GLI3: variants seen among roughly 807,000 people sequenced by gnomAD.
GLI3 encodes GLI family zinc finger 3.
In GLI3, 20 loss-of-function variants were observed where a neutral mutation model predicts 100.8. The observed-to-expected ratio is 0.20, with a 90% CI of 0.14 to 0.29. GLI3 has a LOEUF of 0.29. Among genes scored for constraint, GLI3 ranks in the 10% least tolerant of loss-of-function variants. The pLI, the probability that GLI3 is intolerant of heterozygous loss-of-function variation, is 1.00. For missense variants in GLI3, 2,040 were observed against 2,128.5 expected (o/e 0.96, Z 0.82); for synonymous variants, 938 against 860.5 (o/e 1.09, Z -1.58).
chr7:41,970,828 C>T (rs938783119), intron 13 of GLI3, among the ~76,000 whole-genome samples: 6 of 152,050 alleles, frequency 3.9e-5, no homozygotes, highest in African/African-American at 1.4e-4. Context: ...TTGTTAAACA[C>T]GTGAGGATAA....
intron 10 of GLI3, among the ~76,000 whole-genome samples, chr7:42,016,413 C>A (rs1003183987): frequency 6.6e-6 from 1 of 152,184 alleles, no homozygotes; most frequent in Non-Finnish European, 1.5e-5. Context: ...ATTAACCTAA[C>A]CCCTGCTTTT....
chr7:42,042,685 A>G (rs1356556572), intron 6 of GLI3, among the ~76,000 whole-genome samples: 2 of 152,148 alleles, frequency 1.3e-5, no homozygotes, highest in African/African-American at 4.8e-5. Context: ...TCACTCTCAC[A>G]TCCTCCAAAG....
chr7:42,132,257 C>CGCCTGCCCGCCACCACGCCT (rs1233695403), intron 3 of GLI3, among the ~76,000 whole-genome samples: 1 of 151,356 alleles, frequency 6.6e-6, no homozygotes, highest in African/African-American at 2.4e-5. Context: ...CCCGCCACTA[C>CGCCTGCCCGCCACCACGCCT]GCCCGGCTAA....
At chr7:42,061,261 C>T (rs1055862262) in intron 4 of GLI3, among the ~76,000 whole-genome samples, 3 of 152,162 alleles carry the variant, frequency 2.0e-5, no homozygotes, top group Non-Finnish European at 4.4e-5. Context: ...GACAGTAAGG[C>T]TACCTCAAGA....
chr7:42,056,301 C>A (rs1242092510), intron 4 of GLI3, among the ~76,000 whole-genome samples: 2 of 152,146 alleles, frequency 1.3e-5, no homozygotes, highest in African/African-American at 4.8e-5. Flanking sequence ...GGTCTCTTCT[C>A]TGAAAGAGCC....
chr7:42,020,161 T>G (rs1026628336), intron 10 of GLI3, among the ~76,000 whole-genome samples: 1 of 152,198 alleles, frequency 6.6e-6, no homozygotes, highest in African/African-American at 2.4e-5. Flanking sequence ...CGAGGTAATC[T>G]TTTCAAGAGT....
At chr7:42,106,095 GGAA>G (rs1785567999) in intron 3 of GLI3, among the ~76,000 whole-genome samples, 2 of 152,114 alleles carry the variant, frequency 1.3e-5, no homozygotes, top group Non-Finnish European at 2.9e-5. Context: ...CGGGCAAGCA[GGAA>G]GAAGCATGTG....
At chr7:42,203,734 C>T (rs1445837912) in intron 2 of GLI3, among the ~76,000 whole-genome samples, 1 of 152,236 alleles carries the variant, frequency 6.6e-6, no homozygotes. Flanking sequence ...CATGGTGGCT[C>T]ATGCCTGTAA....
intron 3 of GLI3, among the ~76,000 whole-genome samples, chr7:42,079,717 A>AT (rs1784959701): frequency 6.6e-6 from 1 of 152,158 alleles, no homozygotes. Flanking sequence ...AGGTATTTTC[A>AT]CTTCTTTATT....
At chr7:42,137,340 T>C (rs1046726139) in intron 3 of GLI3, among the ~76,000 whole-genome samples, 2 of 152,026 alleles carry the variant, frequency 1.3e-5, no homozygotes, top group African/African-American at 4.8e-5. Flanking sequence ...AAAAATCAAA[T>C]CACAACACTT....
At chr7:42,072,565 T>C (rs897434319) in intron 4 of GLI3, among the ~76,000 whole-genome samples, 2 of 152,222 alleles carry the variant, frequency 1.3e-5, no homozygotes, top group Non-Finnish European at 2.9e-5. Flanking sequence ...AATTGTATTC[T>C]GGGGTAGTAG....
Position 41,962,119 on chromosome 7 carries a change from T to G in GLI3, c.*2211A>C, listed in dbSNP as rs1421388651. The G allele has an allele frequency of 1.3e-5, 2 of 152,084 alleles. No homozygotes were observed. Among genetic ancestry groups the G allele is most frequent in the Non-Finnish European group, 2.9e-5 (2 of 68,034 alleles). 9.4% of individuals were successfully genotyped at this position (152,084 alleles called of 1,614,324 possible). On this transcript the variant is annotated 3_prime_UTR_variant, in exon 15 of 15. Transcript: ENST00000395925. ...AGGACAAAGCTGATACAGGAAATAA[T>G]GGTAACTGAGAAATGGAGGTTGCAT...
At chr7:42,243,540 C>T (rs566224617) in intron 1 of GLI3, among the ~76,000 whole-genome samples, 13 of 152,330 alleles carry the variant, frequency 8.5e-5, no homozygotes, top group African/African-American at 2.9e-4. Context: ...TAAATCAATT[C>T]ACTCAGTTTG....
intron 3 of GLI3, among the ~76,000 whole-genome samples, chr7:42,104,625 T>A (rs956477209): frequency 3.3e-5 from 5 of 152,212 alleles, no homozygotes; most frequent in Admixed American, 3.3e-4. Flanking sequence ...TAAAGATGGA[T>A]TGATTCAGGG....
In GLI3 at chr7:42,100,130, C is replaced by T. The variant is rs190431459; in HGVS notation, c.368-23273G>A. ...CAATCAATACCAGTGTCTCCCACTC[C>T]CAACCCCAGTATTTTCTCACGGAGC... On this transcript the variant is annotated intron_variant, in intron 3 of 14. Transcript: ENST00000395925. 5.1e-3 allele frequency among the ~76,000 whole-genome samples: 776 copies of T among 152,314 alleles called. 3 individuals are homozygous for T. Among genetic ancestry groups the T allele is most frequent in the Middle Eastern group, 0.014 (4 of 294 alleles).
chr7:42,187,927 C>T (rs961660652), intron 2 of GLI3, among the ~76,000 whole-genome samples: 2 of 141,090 alleles, frequency 1.4e-5, no homozygotes, highest in South Asian at 2.2e-4. Context: ...CGCTCGAACC[C>T]GGGAGGCAGA....
At chr7:42,201,893 C>T (rs549063118) in intron 2 of GLI3, among the ~76,000 whole-genome samples, 25 of 152,148 alleles carry the variant, frequency 1.6e-4, no homozygotes, top group African/African-American at 5.8e-4. Context: ...ACCATCTTGG[C>T]CAACATAGTG....
chr7:42,018,385 C>T (rs892676885), intron 10 of GLI3, among the ~76,000 whole-genome samples: 6 of 152,272 alleles, frequency 3.9e-5, no homozygotes, highest in African/African-American at 7.2e-5. Flanking sequence ...TGCCTCATAT[C>T]TGAGACCCCT....
chr7:42,133,183 G>C (rs1039449180), intron 3 of GLI3, among the ~76,000 whole-genome samples: 9 of 152,114 alleles, frequency 5.9e-5, no homozygotes, highest in Non-Finnish European at 1.3e-4. Flanking sequence ...GCTTACTTAA[G>C]TGAAAAGAAA....
Sources: allele counts gnomAD v4.1 joint callset (sites outside exome capture counted in the v4.1 genomes callset), GRCh38; gene constraint gnomAD v4.1.1; transcripts MANE v1.5; gene names NCBI Gene and HGNC (gene_info 2026-07-23, HGNC 2026-07-21).